TBCCD1: variants seen among roughly 807,000 people sequenced by gnomAD.
TBCCD1 encodes the protein TBCC domain containing 1.
A neutral mutation model predicts 53.4 loss-of-function variants in TBCCD1; 26 were observed. The ratio of observed to expected loss-of-function variants is 0.49; its 90% CI spans 0.36 to 0.68. TBCCD1 has a LOEUF of 0.68. TBCCD1 is among the 30% of genes least tolerant of loss of function. The pLI is 0.00. For synonymous variants in TBCCD1, 245 were observed against 241.7 expected (o/e 1.01, Z -0.13); for missense variants, 558 against 669.5 (o/e 0.83, Z 1.84).
In TBCCD1 at chr3:186,562,424, C is replaced by T. The variant is rs114345025; in HGVS notation, c.336+1570G>A. On this transcript the variant is annotated intron_variant, in intron 2 of 7. Transcript: ENST00000338733. ...GGAGGACATTATGCTAAGTAAAACA[C>T]GCCAGACACAGAAAGACAAAGCTAT... Among the ~76,000 whole-genome samples the T allele has an allele frequency of 6.9e-3, 1,057 of 152,146 alleles. 12 individuals are homozygous for T. The highest frequency in any genetic ancestry group is 0.025 in the African/African-American group (1,020 of 41,506).
chr3:186,548,352 G>T (rs1223327240), intron 7 of TBCCD1, among the ~76,000 whole-genome samples: 1 of 152,240 alleles, frequency 6.6e-6, no homozygotes, highest in Admixed American at 6.5e-5. Context: ...CTAAGGGGAA[G>T]AGGAAATGTA....
chr3:186,554,533 T>C lies in TBCCD1; in HGVS notation c.1265A>G (p.His422Arg). ...QTVTFAPFHT[H>R]YPMLEDHMAR... is the part of the protein sequence containing the mutation. ...CATATGGTCCTCTAGCATTGGGTAATGTGTATGAAAAGGGGCAAAAGTTAC... is the reference window on the plus strand; with the variant it reads ...CATATGGTCCTCTAGCATTGGGTAACGTGTATGAAAAGGGGCAAAAGTTAC... Residue 422 changes from histidine (H) to arginine (R), a missense_variant, in exon 6 of 8, where the codon CAT becomes CGT. Transcript: ENST00000338733. 6.2e-7 allele frequency: 1 copy of C among 1,614,184 alleles called. No homozygotes were observed. The highest frequency in any genetic ancestry group is 8.5e-7 in the Non-Finnish European group (1 of 1,180,036).
chr3:186,558,011 C>T (rs959758769), intron 3 of TBCCD1, among the ~76,000 whole-genome samples: 4 of 152,116 alleles, frequency 2.6e-5, no homozygotes, highest in Non-Finnish European at 4.4e-5. Context: ...TGGGTTGTCA[C>T]GTATGTAATT....
upstream of TBCCD1, among the ~76,000 whole-genome samples, chr3:186,569,182 G>A (rs779397963): frequency 1.5e-4 from 23 of 152,084 alleles, no homozygotes; most frequent in Admixed American, 9.2e-4. Context: ...ATGGTTAGGA[G>A]TATAATAGGT....
At chr3:186,559,682 A>T (rs1249528131) in intron 2 of TBCCD1, among the ~76,000 whole-genome samples, 2 of 152,220 alleles carry the variant, frequency 1.3e-5, no homozygotes, top group African/African-American at 4.8e-5. Context: ...AACAATGTGA[A>T]GCCCCATGAA....
At position 186,558,545 on chromosome 3, in the gene TBCCD1, GC is replaced by G; in HGVS notation, c.363del (p.Leu122SerfsTer8). ...NQLSVDTLQF[L>X]LFLYIQQLNK... ...TTCAACTGTTGAATGTATAAGAAGAGCAGAAACTGTAGCGTGTCCACTGAAA... is the reference window on the plus strand; with the variant it reads ...TTCAACTGTTGAATGTATAAGAAGAGAGAAACTGTAGCGTGTCCACTGAAA... On this transcript the variant is annotated frameshift_variant, in exon 3 of 8. Transcript: ENST00000338733. LOFTEE classifies it high-confidence loss of function. 1 of 1,614,120 alleles carries G rather than the reference GC, an allele frequency of 6.2e-7. No individual in the cohort carries two copies. The highest frequency in any genetic ancestry group is 8.5e-7 in the Non-Finnish European group (1 of 1,180,016).
intron 2 of TBCCD1, 152 bp from the exon 3 acceptor site, chr3:186,558,724 C>A (rs902369923): frequency 1.3e-6 from 1 of 757,854 alleles, no homozygotes; most frequent in African/African-American, 1.8e-5. Context: ...GTCTCTGGTA[C>A]CCAGATGTAA....
intron 6 of TBCCD1, among the ~76,000 whole-genome samples, chr3:186,552,902 C>A (rs1452171775): frequency 6.6e-6 from 1 of 151,894 alleles, no homozygotes; most frequent in Non-Finnish European, 1.5e-5. Flanking sequence ...TGCTGTATGC[C>A]GGGAAGGAGG....
upstream of TBCCD1, chr3:186,570,297 C>G (rs1714978759): frequency 3.7e-6 from 2 of 543,730 alleles, no homozygotes; most frequent in African/African-American, 3.8e-5. Context: ...CTCCCTCATT[C>G]GGAGCGTAGC....
At chr3:186,548,091 T>C (rs1158570275) in intron 7 of TBCCD1, among the ~76,000 whole-genome samples, 1 of 152,150 alleles carries the variant, frequency 6.6e-6, no homozygotes, top group East Asian at 1.9e-4. Flanking sequence ...GCAGCATTAC[T>C]CACAACAGCT....
upstream of TBCCD1, among the ~76,000 whole-genome samples, chr3:186,568,884 C>T (rs1714913984): frequency 1.4e-5 from 2 of 146,502 alleles, no homozygotes; most frequent in Admixed American, 6.9e-5. Context: ...GCCTGGGCGA[C>T]AGAGCGAGAC....
At chr3:186,559,209 T>G (rs1445929592) in intron 2 of TBCCD1, among the ~76,000 whole-genome samples, 1 of 152,128 alleles carries the variant, frequency 6.6e-6, no homozygotes, top group Non-Finnish European at 1.5e-5. Context: ...AAAACCAACC[T>G]TAGTAATTTG....
intron 2 of TBCCD1, among the ~76,000 whole-genome samples, chr3:186,559,909 C>G (rs1284425867): frequency 6.6e-6 from 1 of 152,176 alleles, no homozygotes; most frequent in Non-Finnish European, 1.5e-5. Context: ...TGCCCTTCTA[C>G]AGCCATATGC....
Position 186,556,751 on chromosome 3 carries a change from C to A in TBCCD1, c.517G>T (p.Ala173Ser). The A allele has an allele frequency of 6.2e-7, 1 of 1,613,888 alleles. No individual in the cohort carries two copies. Among genetic ancestry groups the A allele is most frequent in the Non-Finnish European group, 8.5e-7 (1 of 1,179,948 alleles). ...TCAGACAGATGATCATAGACAAAAGCTTGGTGACTGTAATCATTCCAGTTC... is the reference window on the plus strand; with the variant it reads ...TCAGACAGATGATCATAGACAAAAGATTGGTGACTGTAATCATTCCAGTTC... ...NKNWNDYSHQ[A>S]FVYDHLSDLL... The change falls in exon 4 of 8, where the codon GCT (alanine) becomes TCT (serine). Residue 173 changes from alanine to serine, a missense_variant. By Grantham distance (99) the Ala-to-Ser change is moderately conservative. Coordinates refer to ENST00000338733, the MANE Select transcript of TBCCD1 (RefSeq NM_018138.5).
At chr3:186,569,997 G>T (rs933647682), upstream of TBCCD1, 24 of 595,602 alleles carry the variant, frequency 4.0e-5, 1 homozygote, top group Middle Eastern at 5.6e-4. Context: ...ATGATTTACC[G>T]ATTTTTTTCC....
intron 2 of TBCCD1, among the ~76,000 whole-genome samples, chr3:186,560,036 C>T (rs1714649384): frequency 6.6e-6 from 1 of 151,946 alleles, no homozygotes; most frequent in African/African-American, 2.4e-5. Flanking sequence ...AGTATGTAAC[C>T]TCTTGGGATT....
At chr3:186,561,347 C>T (rs970408617) in intron 2 of TBCCD1, among the ~76,000 whole-genome samples, 1 of 152,178 alleles carries the variant, frequency 6.6e-6, no homozygotes, top group African/African-American at 2.4e-5. Context: ...AGGTGCTCAA[C>T]ATCACTACTC....
rs139898122 is a variant in TBCCD1 at position 186,551,208 on chromosome 3, C to T, written c.1616G>A (p.Arg539His). The T allele has an allele frequency of 1.1e-5, 17 of 1,612,742 alleles. No homozygotes were observed. In the African/African-American group the frequency reaches 1.3e-4, roughly 13 times the overall value. ...GGGTACAAGGCTGTCCAGCTGTTGG[C>T]GATGTCCTGTATTAATCAACCATTC... Reference protein sequence around the residue: ...FYEWLINTGHRQQLDSLVPPA... With the variant: ...FYEWLINTGHHQQLDSLVPPA... The change falls in exon 7 of 8, where the codon CGC becomes CAC. Residue 539 changes from arginine to histidine, a missense_variant. Transcript: ENST00000338733.
intron 2 of TBCCD1, among the ~76,000 whole-genome samples, chr3:186,560,139 TATAGGA>T (rs776616657): frequency 0.069 from 10,549 of 152,212 alleles, 434 homozygotes; most frequent in African/African-American, 0.12. Flanking sequence ...TCATGGAGAC[TATAGGA>T]TCCTTGCCTT....
Sources: gnomAD v4.1 joint callset for allele counts (sites outside exome capture counted in the v4.1 genomes callset) on GRCh38, gnomAD v4.1.1 for gene constraint, MANE v1.5 for transcripts, NCBI Gene and HGNC (gene_info 2026-07-23, HGNC 2026-07-21) for gene names.